MBNL2: variants seen among roughly 807,000 people sequenced by gnomAD.
MBNL2 encodes muscleblind-like protein 2.
Under a neutral mutation model 41.9 loss-of-function variants are expected in MBNL2, and 17 were observed. The observed-to-expected ratio is 0.41, with a 90% CI of 0.28 to 0.61. The LOEUF (loss-of-function observed/expected upper bound fraction) is 0.61. Among genes scored for constraint, MBNL2 ranks in the 20% least tolerant of loss-of-function variants. MBNL2 has a pLI of 0.35. For synonymous variants in MBNL2, 195 were observed against 182.9 expected, an observed-to-expected ratio of 1.07 and a Z score of -0.53; for missense variants, 336 against 505.6, an observed-to-expected ratio of 0.66 and a Z score of 3.22.
chr13:97,178,587 T>C, the MBNL2 span, among the ~76,000 whole-genome samples: 4 of 152,130 alleles, frequency 2.6e-5, no homozygotes, highest in African/African-American at 7.2e-5. Context: ...ATGTCTAAAA[T>C]AAACACTGCT....
At chr13:97,350,424 G>T (rs1257264300) in intron 5 of MBNL2, among the ~76,000 whole-genome samples, 1 of 152,202 alleles carries the variant, frequency 6.6e-6, no homozygotes, top group Non-Finnish European at 1.5e-5. Context: ...AAAACACAAT[G>T]AACATTGCCA....
chr13:97,164,434 G>A, the MBNL2 span, among the ~76,000 whole-genome samples: 1 of 152,122 alleles, frequency 6.6e-6, no homozygotes, highest in African/African-American at 2.4e-5. Context: ...GTACACAGAG[G>A]CCCTTAATAA....
At position 97,346,656 on chromosome 13, in the gene MBNL2, G is replaced by C; in HGVS notation, c.541-148G>C. 1 of 602,650 alleles carries C rather than the reference G, an allele frequency of 1.7e-6. No homozygotes were observed. Among genetic ancestry groups the C allele is most frequent in the Non-Finnish European group, 2.9e-6 (1 of 346,536 alleles). 37.3% of individuals were successfully genotyped at this position (602,650 alleles called of 1,614,324 possible). On this transcript the variant is annotated intron_variant, in intron 4 of 8. Transcript: ENST00000679496. This position sits in a 1 kb window ranked among gnomAD's most constrained non-coding sequence, Gnocchi z 4.2. ...TGTGTCAGAGATTGTGGTTACCTGG[G>C]CTCCGCATAATCAATCTTTTCTTGT... is the stretch of plus-strand genomic sequence containing the variant.
intron 2 of MBNL2, among the ~76,000 whole-genome samples, chr13:97,333,954 A>AGAAG (rs1188891589): frequency 1.3e-4 from 14 of 110,346 alleles, no homozygotes; most frequent in South Asian, 6.6e-4. Context: ...AAAGAAAGAA[A>AGAAG]GAAGGAAGGA....
chr13:97,263,629 A>G (rs1338618415), intron 1 of MBNL2, among the ~76,000 whole-genome samples: 5 of 152,044 alleles, frequency 3.3e-5, no homozygotes, highest in African/African-American at 9.7e-5. Flanking sequence ...CTCTGTTGTT[A>G]TTTATTGAGA....
the MBNL2 span, among the ~76,000 whole-genome samples, chr13:97,194,520 T>C: frequency 5.3e-5 from 8 of 152,176 alleles, no homozygotes; most frequent in African/African-American, 1.9e-4. Context: ...ATTCCGACCA[T>C]AGCAACTTCG....
At chr13:97,303,114 G>A (rs1009236940) in intron 2 of MBNL2, among the ~76,000 whole-genome samples, 2 of 152,182 alleles carry the variant, frequency 1.3e-5, no homozygotes, top group African/African-American at 2.4e-5. Context: ...TGGGCATGAG[G>A]AGGAATCACG....
chr13:97,154,836 T>TGGATAGAC, the MBNL2 span, among the ~76,000 whole-genome samples: 1 of 151,724 alleles, frequency 6.6e-6, no homozygotes, highest in Non-Finnish European at 1.5e-5. Context: ...GATGGATGGA[T>TGGATAGAC]GGATAGACAA....
rs1166867260 is a variant in MBNL2, at chr13:97,276,367, G to C, written c.132G>C (p.Gln44His). Reference sequence around the variant, plus strand: ...TTGCTCATCCCCCCAAAAGTTGTCAGGTTGAAAATGGAAGAGTAATTGCCT... The same window carrying C: ...TTGCTCATCCCCCCAAAAGTTGTCACGTTGAAAATGGAAGAGTAATTGCCT... ...CKFAHPPKSC[Q>H]VENGRVIACF... Residue 44 changes from glutamine (Q) to histidine (H), a missense_variant, in exon 2 of 9, where the codon CAG becomes CAC. By Grantham distance (24) the Gln-to-His change is conservative. Coordinates refer to ENST00000679496, the MANE Select transcript of MBNL2 (RefSeq NM_001382683.1). The C allele has an allele frequency of 2.4e-5, 39 of 1,613,958 alleles. No individual in the cohort carries two copies. Among genetic ancestry groups the C allele is most frequent in the Non-Finnish European group, 3.3e-5 (39 of 1,179,992 alleles).
Position 97,322,790 on chromosome 13 carries a change from G to A in MBNL2, c.175-11486G>A, listed in dbSNP as rs73557680. Among the ~76,000 whole-genome samples, 948 of 152,006 alleles carry A rather than the reference G, an allele frequency of 6.2e-3. 13 individuals are homozygous for A. Among genetic ancestry groups the A allele is most frequent in the African/African-American group, 0.022 (900 of 41,430 alleles). On this transcript the variant is annotated intron_variant, in intron 2 of 8. Transcript: ENST00000679496. ...TCTTCCCGGAAGCATTCCCAACTCC[G>A]ACACCAGCAACCAAGGCACTCTGGC...
chr13:97,183,370 T>C, the MBNL2 span, among the ~76,000 whole-genome samples: 1 of 152,198 alleles, frequency 6.6e-6, no homozygotes, highest in Non-Finnish European at 1.5e-5. Context: ...TTAATCACAT[T>C]GAACTTAAGA....
the MBNL2 span, among the ~76,000 whole-genome samples, chr13:97,160,171 T>C: frequency 6.6e-6 from 1 of 152,210 alleles, no homozygotes; most frequent in East Asian, 1.9e-4. Flanking sequence ...CTCTCTGTTG[T>C]AACATTAATT....
chr13:97,155,783 A>G, the MBNL2 span, among the ~76,000 whole-genome samples: 3 of 151,884 alleles, frequency 2.0e-5, no homozygotes, highest in Admixed American at 2.0e-4. Flanking sequence ...CATTTTCTTA[A>G]TCCAGTCTAT....
intron 5 of MBNL2, among the ~76,000 whole-genome samples, chr13:97,349,191 T>A (rs1178784475): frequency 6.6e-6 from 1 of 151,960 alleles, no homozygotes; most frequent in East Asian, 1.9e-4. Flanking sequence ...GATGTATGTA[T>A]CCACACAAGA....
At chr13:97,232,589 TC>T (rs982351654) in intron 1 of MBNL2, among the ~76,000 whole-genome samples, 2 of 152,152 alleles carry the variant, frequency 1.3e-5, no homozygotes, top group African/African-American at 4.8e-5. Flanking sequence ...GCAACCCTTG[TC>T]CACCAGTTCT....
chr13:97,169,284 CA>C, the MBNL2 span, among the ~76,000 whole-genome samples: 2 of 152,178 alleles, frequency 1.3e-5, no homozygotes, highest in African/African-American at 4.8e-5. Flanking sequence ...AGGGGCTAAT[CA>C]ACTCAGGTGG....
intron 8 of MBNL2, among the ~76,000 whole-genome samples, chr13:97,390,995 T>C (rs1419354440): frequency 2.0e-5 from 3 of 152,150 alleles, no homozygotes; most frequent in Non-Finnish European, 4.4e-5. Flanking sequence ...ATAATGTGAA[T>C]GTATAATAAA....
the MBNL2 span, among the ~76,000 whole-genome samples, chr13:97,169,517 A>G: frequency 6.6e-6 from 1 of 152,214 alleles, no homozygotes; most frequent in African/African-American, 2.4e-5. Context: ...GATTTCTCTG[A>G]TCTCATAGTT....
chr13:97,376,785 C>T (rs983197173), intron 8 of MBNL2, among the ~76,000 whole-genome samples: 6 of 152,166 alleles, frequency 3.9e-5, no homozygotes, highest in Admixed American at 3.9e-4. Context: ...GTCTTAAGAG[C>T]AGATTTTCCA....
Sources: allele counts gnomAD v4.1 joint callset (sites outside exome capture counted in the v4.1 genomes callset), GRCh38; gene constraint gnomAD v4.1.1; non-coding constraint Gnocchi (gnomAD v3.1); transcripts MANE v1.5; gene names NCBI Gene and HGNC (gene_info 2026-07-23, HGNC 2026-07-21).